Variants in TTN observed in about 807,000 individuals in gnomAD.
TTN encodes the protein titin.
A neutral mutation model predicts 3,223.0 loss-of-function variants in TTN; 1,525 were observed. The ratio of observed to expected loss-of-function variants is 0.47; its 90% CI spans 0.45 to 0.49. The LOEUF is 0.49. Ranked by LOEUF, TTN falls within the 20% of genes least tolerant of loss-of-function variation. TTN has a pLI of 0.00. For synonymous variants in TTN, 14,094 were observed against 15,161.0 expected, an observed-to-expected ratio of 0.93 and a Z score of 5.17; for missense variants, 40,786 against 43,424.0, an observed-to-expected ratio of 0.94 and a Z score of 5.40.
At position 178,558,407 on chromosome 2, in the gene TTN, C is replaced by T; in HGVS notation, c.87052G>A (p.Glu29018Lys). The change falls in exon 327 of 363, where the codon GAA becomes AAA. Residue 29018 changes from glutamate to lysine, a missense_variant. Glu to Lys is a moderately conservative substitution (Grantham distance 56). Coordinates refer to ENST00000589042, the MANE Select transcript of TTN (RefSeq NM_001267550.2). ...NSEYFFRVFAENQAGLSDPRE... is the reference protein window; with the variant it reads ...NSEYFFRVFAKNQAGLSDPRE... Reference sequence around the variant, plus strand: ...GGGTCACTCAGGCCAGCTTGATTTTCAGCAAACACTCGGAAAAAGTATTCA... The same window carrying T: ...GGGTCACTCAGGCCAGCTTGATTTTTAGCAAACACTCGGAAAAAGTATTCA... 7 of 1,613,752 alleles carry T rather than the reference C, an allele frequency of 4.3e-6. No individual in the cohort carries two copies. Among genetic ancestry groups the T allele is most frequent in the East Asian group, 2.2e-5 (1 of 44,776 alleles).
intron 218 of TTN, among the ~76,000 whole-genome samples, chr2:178,642,855 T>C (rs940479753): frequency 2.0e-5 from 3 of 152,022 alleles, no homozygotes; most frequent in African/African-American, 4.8e-5. Context: ...ATTTCCTTTT[T>C]GAAATAATGC....
chr2:178,622,562 TG>T, intron 243 of TTN, 107 bp downstream of exon 243: 1 of 770,986 alleles, frequency 1.3e-6, no homozygotes. Context: ...AAAAGTAAAG[TG>T]GTGACCAGAG....
chr2:178,718,188 A>G lies in TTN; in HGVS notation c.24818T>C (p.Val8273Ala). 1 of 1,604,362 alleles carries G rather than the reference A, an allele frequency of 6.2e-7. No homozygotes were observed. Among genetic ancestry groups the G allele is most frequent in the Non-Finnish European group, 8.5e-7 (1 of 1,178,858 alleles). ...TGCAGGTTCTCCAATGACTGCTTCC[A>G]CATGTTCCAGAGGTTCAATAAAGTA... is the stretch of plus-strand genomic sequence containing the variant. The part of the protein sequence containing the change: ...PPYFIEPLEH[V>A]EAVIGEPATL... Residue 8273 changes from valine (V) to alanine (A), a missense_variant, in exon 86 of 363, where the codon GTG becomes GCG. Val to Ala is a moderately conservative substitution (Grantham distance 64, BLOSUM62 0). Transcript: ENST00000589042.
rs754025981 is a variant in TTN at position 178,560,286 on chromosome 2, G to A, written c.85846C>T (p.Arg28616Trp). 3.5e-5 allele frequency: 57 copies of A among 1,613,628 alleles called. No individual in the cohort carries two copies. The highest frequency in any genetic ancestry group is 6.7e-5 in the East Asian group (3 of 44,856). The change falls in exon 326 of 363, where the codon CGG (arginine) becomes TGG (tryptophan). Residue 28616 changes from arginine (R) to tryptophan (W), a missense_variant. Arg to Trp is a moderately radical substitution (Grantham distance 101). Coordinates refer to ENST00000589042, the MANE Select transcript of TTN (RefSeq NM_001267550.2). ...YDLRVKSTGL[R>W]EGCEYEYRVY... ...CGATATTCATATTCACATCCTTCCCGAAGTCCTGTTGATTTCACTCTTAGA... is the reference window on the plus strand; with the variant it reads ...CGATATTCATATTCACATCCTTCCCAAAGTCCTGTTGATTTCACTCTTAGA...
chr2:178,617,965 C>T lies in TTN; in HGVS notation c.47386G>A (p.Glu15796Lys), dbSNP rs2057656549. 1 of 1,612,528 alleles carries T rather than the reference C, an allele frequency of 6.2e-7. No homozygotes were observed. Among genetic ancestry groups the T allele is most frequent in the South Asian group, 1.1e-5 (1 of 91,056 alleles). ...CTGATAGAAGTCTTGTCTCTTAATT[C>T]AATGACGTAGTTTGTGATCTCAGCA... The part of the protein sequence containing the change: ...GGAEITNYVI[E>K]LRDKTSIRWD... The change falls in exon 253 of 363, where the codon GAA (glutamate) becomes AAA (lysine). Residue 15796 changes from glutamate to lysine, a missense_variant. Physicochemically the swap from Glu to Lys is moderately conservative, Grantham distance 56. Coordinates refer to ENST00000589042, the MANE Select transcript of TTN (RefSeq NM_001267550.2).
rs1283347573 is a variant in TTN at position 178,654,958 on chromosome 2, T to TGGCAC, written c.38075_38076insGTGCC (p.Val12693CysfsTer256). Reference sequence around the variant, plus strand: ...GCTTTTTAGGAGGAGGCACTGGCACTTTCTTTTCAGGAACAACTTCTTTGG... The same window carrying TGGCAC: ...GCTTTTTAGGAGGAGGCACTGGCACTGGCACTTCTTTTCAGGAACAACTTCTTTGG... On this transcript the variant is annotated frameshift_variant, in exon 190 of 363. Transcript: ENST00000589042. LOFTEE classifies it high-confidence loss of function. 2.2e-5 allele frequency: 15 copies of TGGCAC among 682,426 alleles called. No homozygotes were observed. The highest frequency in any genetic ancestry group is 1.5e-4 in the South Asian group (7 of 45,262). 42.3% of individuals were successfully genotyped at this position (682,426 alleles called of 1,614,324 possible).
rs2080405790 is a variant in TTN, at chr2:178,731,142, A to G, written c.17523T>C (p.Thr5841=). The G allele has an allele frequency of 4.3e-6, 7 of 1,613,522 alleles. No homozygotes were observed. The African/African-American group carries it at 9.3e-5, about 22-fold the overall frequency. ...SIDVTQGDPA[T]LQVKFSGTKE... ...TAGTCCCTGAAAATTTAACCTGCAA[A>G]GTGGCTGGGTCTCCTTGGGTGACAT... Residue 5841 remains threonine (T), a synonymous_variant, in exon 60 of 363, where the codon ACT becomes ACC. Transcript: ENST00000589042.
Position 178,594,117 on chromosome 2 carries a change from C to G in TTN, c.58276G>C (p.Asp19426His), listed in dbSNP as rs1408473678. Residue 19426 changes from aspartate to histidine, a missense_variant, in exon 297 of 363, where the codon GAT becomes CAT. Coordinates refer to ENST00000589042, the MANE Select transcript of TTN (RefSeq NM_001267550.2). ...TGAGTGCGATCATCTTCCAGCACAT[C>G]AGCTTCATCTTTGAACCAGGAAACC... ...PKVSWFKDEA[D>H]VLEDDRTHIK... 1 of 1,613,328 alleles carries G rather than the reference C, an allele frequency of 6.2e-7. No individual in the cohort carries two copies. The highest frequency in any genetic ancestry group is 2.2e-5 in the East Asian group (1 of 44,724).
At chr2:178,700,771 A>G (rs1044390946) in intron 111 of TTN, among the ~76,000 whole-genome samples, 5 of 152,234 alleles carry the variant, frequency 3.3e-5, no homozygotes, top group Non-Finnish European at 7.3e-5. Flanking sequence ...GTAAACTACT[A>G]TGGTTTATTT....
chr2:178,590,192 A>C lies in TTN; in HGVS notation c.61533T>G (p.Thr20511=), dbSNP rs1396517085. The change falls in exon 304 of 363, where the codon ACT becomes ACG. Residue 20511 remains threonine, a synonymous_variant. Transcript: ENST00000589042. ...CTCGGACCAATACTTTGCCTTCCTT[A>C]GTCCAAGTTATGTCTGGTTCAGGTC... ...KGRPEPDITW[T]KEGKVLVREK... 6.2e-7 allele frequency: 1 copy of C among 1,610,172 alleles called. No homozygotes were observed. The highest frequency in any genetic ancestry group is 8.5e-7 in the Non-Finnish European group (1 of 1,178,128).
chr2:178,635,607 C>T lies in TTN; in HGVS notation c.41717G>A (p.Trp13906Ter). The T allele has an allele frequency of 6.3e-7, 1 of 1,593,476 alleles. No homozygotes were observed. Among genetic ancestry groups the T allele is most frequent in the South Asian group, 1.1e-5 (1 of 88,360 alleles). Residue 13906 changes from tryptophan to a stop codon, truncating the protein, a stop_gained, in exon 227 of 363, where the codon TGG becomes TAG. Coordinates refer to ENST00000589042, the MANE Select transcript of TTN (RefSeq NM_001267550.2). LOFTEE classifies it high-confidence loss of function. ...AGGGATTTCATCATATCCTTTGAAC[C>T]ACTTAATGTTTGGAGTATCTTTTGC... The part of the protein sequence containing the change: ...DIAKDTPNIK[W>*]FKGYDEIPAE...
chr2:178,577,710 G>T lies in TTN; in HGVS notation c.68716C>A (p.Leu22906Ile). The T allele has an allele frequency of 1.9e-6, 3 of 1,613,292 alleles. No homozygotes were observed. Among genetic ancestry groups the T allele is most frequent in the African/African-American group, 1.3e-5 (1 of 74,984 alleles). Reference protein sequence around the residue: ...VPECAFTVTDLVEGGKYEFRI... With the variant: ...VPECAFTVTDIVEGGKYEFRI... ...AATTCATATTTTCCACCCTCAACAA[G>T]GTCAGTTACAGTAAAGGCACATTCT... Residue 22906 changes from leucine to isoleucine, a missense_variant, in exon 323 of 363, where the codon CTT becomes ATT. Physicochemically the swap from Leu to Ile is conservative, Grantham distance 5 (BLOSUM62 2). Coordinates refer to ENST00000589042, the MANE Select transcript of TTN (RefSeq NM_001267550.2).
At position 178,560,153 on chromosome 2, in the gene TTN, A is replaced by G. The variant is rs397517733; in HGVS notation, c.85979T>C (p.Ile28660Thr). 47 of 1,613,428 alleles carry G rather than the reference A, an allele frequency of 2.9e-5. 1 individual carries two copies. Among genetic ancestry groups the G allele is most frequent in the South Asian group, 5.5e-5 (5 of 91,062 alleles). Residue 28660 changes from isoleucine to threonine, a missense_variant, in exon 326 of 363, where the codon ATT (isoleucine) becomes ACT (threonine). By Grantham distance (89) the Ile-to-Thr change is moderately conservative. Coordinates refer to ENST00000589042, the MANE Select transcript of TTN (RefSeq NM_001267550.2). ...TATAGTTGTCTTGCCTGAGTCCACA[A>G]TTTTGGGTTTGGATGGAGGAGATGG... ...FLPSPPSKPK[I>T]VDSGKTTITI...
In TTN at chr2:178,663,841, C is replaced by T; in HGVS notation, c.36426G>A (p.Glu12142=). ...TACCTTTAACAGGTGGGACTTCAGG[C>T]TCTTTAGGAGGAGCCAAGGGCACTT... ...EEKVPLAPPK[E]PEVPPVKVPE... The change falls in exon 170 of 363, where the codon GAG becomes GAA. Residue 12142 remains glutamate (E), a synonymous_variant. Transcript: ENST00000589042. 6.2e-7 allele frequency: 1 copy of T among 1,613,424 alleles called. No individual in the cohort carries two copies. Among genetic ancestry groups the T allele is most frequent in the Non-Finnish European group, 8.5e-7 (1 of 1,179,818 alleles).
At chr2:178,747,654 C>T (rs2084053795) in intron 47 of TTN, 1 of 1,613,114 alleles carries the variant, frequency 6.2e-7, no homozygotes, top group Non-Finnish European at 8.5e-7. Flanking sequence ...TCAGGAACCT[C>T]ACGCTTTCCA....
rs1183805527 is a variant in TTN at position 178,617,160 on chromosome 2, T to A, written c.47835A>T (p.Pro15945=). The A allele has an allele frequency of 5.0e-6, 8 of 1,605,984 alleles. No individual in the cohort carries two copies. Among genetic ancestry groups the A allele is most frequent in the South Asian group, 1.1e-5 (1 of 89,846 alleles). Residue 15945 remains proline, a synonymous_variant, in exon 255 of 363, where the codon CCA becomes CCT. Coordinates refer to ENST00000589042, the MANE Select transcript of TTN (RefSeq NM_001267550.2). ...SAENKAGVSD[P]SEILGPLTAD... is the part of the protein sequence containing the mutation. ...CGGTGAGAGGACCAAGAATTTCAGA[T>A]GGATCTGAAACACCAGCTTTATTTT...
intron 47 of TTN, among the ~76,000 whole-genome samples, chr2:178,742,157 T>G (rs976639337): frequency 5.3e-5 from 8 of 152,132 alleles, no homozygotes; most frequent in Non-Finnish European, 8.8e-5. Flanking sequence ...ACTTCATCTG[T>G]GATAGAGTTC....
rs1366447660 is a variant in TTN, at chr2:178,574,252, G to A, written c.71880C>T (p.Ile23960=). 1.9e-6 allele frequency: 3 copies of A among 1,612,840 alleles called. No individual in the cohort carries two copies. Among genetic ancestry groups the A allele is most frequent in the South Asian group, 2.2e-5 (2 of 91,048 alleles). The change falls in exon 326 of 363, where the codon ATC becomes ATT. Residue 23960 remains isoleucine, a synonymous_variant. Transcript: ENST00000589042. The part of the protein sequence containing the change: ...YTGGFKITSY[I]VEKRDLPNGR... ...CATTAGGAAGGTCTCTCTTTTCAAC[G>A]ATATAACTGGTAATTTTAAAGCCCC...
At position 178,640,584 on chromosome 2, in the gene TTN, A is replaced by T. The variant is rs1411811157; in HGVS notation, c.40680T>A (p.Pro13560=). 1.3e-6 allele frequency: 2 copies of T among 1,599,486 alleles called. No individual in the cohort carries two copies. Among genetic ancestry groups the T allele is most frequent in the East Asian group, 2.3e-5 (1 of 43,938 alleles). ...TCTTCCTTTCCCTTTTTGTAACAGT[A>T]GGTACTTCAACCTCTTCAACAGGTT... The part of the protein sequence containing the change: ...PPKPVEEVEV[P]TVTKRERKIP... The change falls in exon 221 of 363, where the codon CCT becomes CCA. Residue 13560 remains proline (P), a synonymous_variant. Coordinates refer to ENST00000589042, the MANE Select transcript of TTN (RefSeq NM_001267550.2).
Sources: allele counts gnomAD v4.1 joint callset (sites outside exome capture counted in the v4.1 genomes callset), GRCh38; gene constraint gnomAD v4.1.1; transcripts MANE v1.5; gene names NCBI Gene and HGNC (gene_info 2026-07-23, HGNC 2026-07-21).